ITGBL1: variants seen among roughly 807,000 people sequenced by gnomAD.
ITGBL1 encodes integrin beta-like protein 1.
Under a neutral mutation model 68.5 loss-of-function variants are expected in ITGBL1, and 51 were observed. The ratio of observed to expected loss-of-function variants is 0.74; its 90% CI spans 0.59 to 0.94. The LOEUF (loss-of-function observed/expected upper bound fraction) is 0.94. ITGBL1 is among the 40% of genes least tolerant of loss of function. ITGBL1 has a pLI of 0.00. For missense variants in ITGBL1, 649 were observed against 647.4 expected, an observed-to-expected ratio of 1.00 and a Z score of -0.03; for synonymous variants, 209 against 227.3, an observed-to-expected ratio of 0.92 and a Z score of 0.72.
chr13:101,479,086 G>C (rs1400827005), intron 2 of ITGBL1, among the ~76,000 whole-genome samples: 1 of 151,922 alleles, frequency 6.6e-6, no homozygotes, highest in African/African-American at 2.4e-5. Flanking sequence ...AACCCAAATA[G>C]TATAGTACTA....
intron 7 of ITGBL1, among the ~76,000 whole-genome samples, chr13:101,615,891 C>G (rs974154456): frequency 6.6e-6 from 1 of 152,162 alleles, no homozygotes; most frequent in Non-Finnish European, 1.5e-5. Context: ...AAGGTGCCAT[C>G]TATGTGTAGG....
At chr13:101,717,119 T>G (rs1014082881), downstream of ITGBL1, 4 of 152,146 alleles carry the variant, frequency 2.6e-5, no homozygotes, top group African/African-American at 9.6e-5. Context: ...CTTGGAAATT[T>G]TATTTTAATG....
chr13:101,567,953 T>G, intron 3 of ITGBL1, 108 bp downstream of exon 3: 2 of 834,528 alleles, frequency 2.4e-6, no homozygotes, highest in East Asian at 5.6e-5. Flanking sequence ...AGTCTGCTTT[T>G]GAGTATGTTT....
intron 7 of ITGBL1, among the ~76,000 whole-genome samples, chr13:101,602,306 G>A (rs1051357645): frequency 6.6e-6 from 1 of 151,992 alleles, no homozygotes; most frequent in Non-Finnish European, 1.5e-5. Context: ...AGCCTCAGGT[G>A]TGTTCTTGGT....
Position 101,692,040 on chromosome 13 carries a change from TA to T in ITGBL1, c.1016-544del, listed in dbSNP as rs557119661. On this transcript the variant is annotated intron_variant, in intron 7 of 10. Transcript: ENST00000376180. ...AATTTTAAGACGAGGATAATAAAGATATTTAGGTTATGCTCTTTGACATAGG... is the reference window on the plus strand; with the variant it reads ...AATTTTAAGACGAGGATAATAAAGATTTTAGGTTATGCTCTTTGACATAGG... Among the ~76,000 whole-genome samples, 41 of 152,304 alleles carry T rather than the reference TA, an allele frequency of 2.7e-4. No homozygotes were observed. In the Middle Eastern group the frequency reaches 0.01, roughly 38 times the overall value.
chr13:101,520,651 T>C (rs2049270136), intron 2 of ITGBL1, among the ~76,000 whole-genome samples: 2 of 152,160 alleles, frequency 1.3e-5, no homozygotes, highest in Non-Finnish European at 2.9e-5. Context: ...TGGGGAATGC[T>C]GGAAGGATGT....
intron 7 of ITGBL1, among the ~76,000 whole-genome samples, chr13:101,633,901 G>T (rs567731038): frequency 6.6e-6 from 1 of 152,186 alleles, no homozygotes; most frequent in African/African-American, 2.4e-5. Flanking sequence ...AATCATAGGG[G>T]AGAAAATAAG....
chr13:101,663,635 C>G (rs2033142189), intron 7 of ITGBL1, among the ~76,000 whole-genome samples: 2 of 152,246 alleles, frequency 1.3e-5, no homozygotes, highest in Non-Finnish European at 1.5e-5. Flanking sequence ...ATTTGACTGT[C>G]ATACAAGGTT....
intron 7 of ITGBL1, among the ~76,000 whole-genome samples, chr13:101,641,376 T>C (rs2032361156): frequency 6.6e-6 from 1 of 152,026 alleles, no homozygotes; most frequent in Non-Finnish European, 1.5e-5. Context: ...TTTAAATTAT[T>C]TCCTCTTGGT....
chr13:101,503,672 G>T (rs955164052), intron 2 of ITGBL1, among the ~76,000 whole-genome samples: 1 of 152,228 alleles, frequency 6.6e-6, no homozygotes, highest in Non-Finnish European at 1.5e-5. Context: ...ACAACAGAAA[G>T]AACTGGTTTT....
intron 9 of ITGBL1, among the ~76,000 whole-genome samples, chr13:101,708,825 A>G (rs983994335): frequency 6.6e-6 from 1 of 152,226 alleles, no homozygotes; most frequent in African/African-American, 2.4e-5. Flanking sequence ...CATGCCATCA[A>G]CCTAATGTCA....
At chr13:101,602,790 T>A (rs533009656) in intron 7 of ITGBL1, among the ~76,000 whole-genome samples, 1 of 152,168 alleles carries the variant, frequency 6.6e-6, no homozygotes, top group South Asian at 2.1e-4. Context: ...GACTTGTCTA[T>A]TCTGAGTATT....
chr13:101,706,605 A>T (rs577692606), intron 8 of ITGBL1, 151 bp from the exon 9 acceptor site: 2 of 722,832 alleles, frequency 2.8e-6, no homozygotes, highest in Non-Finnish European at 4.3e-6. Context: ...AAGTTCTTTC[A>T]AACAATTACA....
At chr13:101,671,148 C>G (rs1357120057) in intron 7 of ITGBL1, among the ~76,000 whole-genome samples, 1 of 152,104 alleles carries the variant, frequency 6.6e-6, no homozygotes, top group Non-Finnish European at 1.5e-5. Context: ...AGTAATTACT[C>G]TTGCTTACAG....
Position 101,605,873 on chromosome 13 carries a change from T to TAC in ITGBL1, c.1015+7578_1015+7579dup, listed in dbSNP as rs552054687. Reference sequence around the variant, plus strand: ...ATGTATGTGTGTATATGTGTATATATACACATATATAGACATGTATGCGTG... The same window carrying TAC: ...ATGTATGTGTGTATATGTGTATATATACACACATATATAGACATGTATGCGTG... On this transcript the variant is annotated intron_variant, in intron 7 of 10. Coordinates refer to ENST00000376180, the MANE Select transcript of ITGBL1 (RefSeq NM_004791.3). Among the ~76,000 whole-genome samples, 30 of 150,582 alleles carry TAC rather than the reference T, an allele frequency of 2.0e-4. No homozygotes were observed. In the South Asian group the frequency reaches 5.4e-3, roughly 27 times the overall value.
chr13:101,532,021 A>C (rs1355172507), intron 2 of ITGBL1, among the ~76,000 whole-genome samples: 1 of 152,020 alleles, frequency 6.6e-6, no homozygotes, highest in Non-Finnish European at 1.5e-5. Context: ...GGTGTGAGCC[A>C]CCGCGCCCGG....
At chr13:101,652,677 C>G (rs1396376641) in intron 7 of ITGBL1, among the ~76,000 whole-genome samples, 1 of 152,142 alleles carries the variant, frequency 6.6e-6, no homozygotes, top group Non-Finnish European at 1.5e-5. Flanking sequence ...ATTGTTCAAA[C>G]CTATCAACTT....
intron 6 of ITGBL1, among the ~76,000 whole-genome samples, chr13:101,589,032 C>T (rs1321354910): frequency 6.6e-6 from 1 of 152,200 alleles, no homozygotes. Flanking sequence ...AGGACATGTA[C>T]AGTTTCACTT....
At chr13:101,658,971 A>G (rs1483346385) in intron 7 of ITGBL1, among the ~76,000 whole-genome samples, 1 of 151,900 alleles carries the variant, frequency 6.6e-6, no homozygotes, top group Non-Finnish European at 1.5e-5. Context: ...TTGTTAGACT[A>G]CAGCACTAAC....
Sources: gnomAD v4.1 joint callset for allele counts (sites outside exome capture counted in the v4.1 genomes callset) on GRCh38, gnomAD v4.1.1 for gene constraint, MANE v1.5 for transcripts, NCBI Gene and HGNC (gene_info 2026-07-23, HGNC 2026-07-21) for gene names.